The following ABLIM2 variants were observed in gnomAD, a reference collection of about 807,000 sequenced individuals.
ABLIM2 encodes the protein actin binding LIM protein family member 2.
In ABLIM2, 53 loss-of-function variants were observed where a neutral mutation model predicts 97.7. The observed-to-expected ratio is 0.54, with a 90% CI of 0.44 to 0.68. The LOEUF is 0.68. ABLIM2 is among the 30% of genes least tolerant of loss of function. ABLIM2 has a pLI of 0.00. For synonymous variants in ABLIM2, 361 were observed against 345.8 expected (o/e 1.04, Z -0.49); for missense variants, 835 against 867.2 (o/e 0.96, Z 0.47).
rs557685197 is a variant in ABLIM2, at chr4:8,113,337, C to T, written c.11-6700G>A. Among the ~76,000 whole-genome samples, 1 of 152,316 alleles carries T rather than the reference C, an allele frequency of 6.6e-6. No homozygotes were observed. Among genetic ancestry groups the T allele is most frequent in the East Asian group, 1.9e-4 (1 of 5,182 alleles). On this transcript the variant is annotated intron_variant, in intron 1 of 20. Transcript: ENST00000447017. This position sits in a 1 kb window ranked among gnomAD's most constrained non-coding sequence, Gnocchi z 4.5. ...CTCACACTCCTGGGCTCAAGTGATCCTCCCATGTCAGCCTCCCAAAGTGCT... is the reference window on the plus strand; with the variant it reads ...CTCACACTCCTGGGCTCAAGTGATCTTCCCATGTCAGCCTCCCAAAGTGCT...
chr4:8,153,110 T>TTA (rs974293667), intron 1 of ABLIM2, among the ~76,000 whole-genome samples: 8 of 152,288 alleles, frequency 5.3e-5, no homozygotes, highest in African/African-American at 1.9e-4. Flanking sequence ...CAGTGCCCGC[T>TTA]TAAAGGGCCA....
intron 6 of ABLIM2, among the ~76,000 whole-genome samples, chr4:8,063,338 T>G (rs1188636084): frequency 6.6e-6 from 1 of 152,244 alleles, no homozygotes; most frequent in Non-Finnish European, 1.5e-5. Flanking sequence ...GTGCTGAGAT[T>G]ATAGGCGTGA....
intron 1 of ABLIM2, among the ~76,000 whole-genome samples, chr4:8,152,613 G>A (rs1713384155): frequency 6.6e-6 from 1 of 152,250 alleles, no homozygotes; most frequent in African/African-American, 2.4e-5. Flanking sequence ...TCTGTGCTGG[G>A]TGCGAGCCTC....
intron 1 of ABLIM2, among the ~76,000 whole-genome samples, chr4:8,134,555 G>C (rs1351097818): frequency 6.6e-6 from 1 of 152,290 alleles, no homozygotes; most frequent in East Asian, 1.9e-4. Context: ...TCTGCCTCCT[G>C]AATCAATAAA....
chr4:7,976,594 AGGTCCTTT>A (rs1349617604), intron 20 of ABLIM2, among the ~76,000 whole-genome samples: 2 of 152,156 alleles, frequency 1.3e-5, no homozygotes, highest in Non-Finnish European at 2.9e-5. Flanking sequence ...CTCCTGTCCC[AGGTCCTTT>A]GCACGGGTAC....
intron 9 of ABLIM2, among the ~76,000 whole-genome samples, chr4:8,041,976 G>GCAACAACAGCAA (rs1481496514): frequency 1.3e-5 from 2 of 151,586 alleles, no homozygotes; most frequent in Admixed American, 6.6e-5. Context: ...AACAACAACA[G>GCAACAACAGCAA]CAGCAACAAC....
In ABLIM2 at chr4:8,036,263, C is replaced by T; in HGVS notation, c.933G>A (p.Arg311=). ...TACTTTTAGGAAGGGCTGCCAAGTC[C>T]CTGTAGTCCAGGATCTCACCACCAA... ...AKLGGEILDY[R]DLAALPKSKA... The change falls in exon 10 of 21, where the codon AGG becomes AGA. Residue 311 remains arginine (R), a synonymous_variant. Coordinates refer to ENST00000447017, the MANE Select transcript of ABLIM2 (RefSeq NM_001130083.2). 1.2e-6 allele frequency: 2 copies of T among 1,613,848 alleles called. No homozygotes were observed. Among genetic ancestry groups the T allele is most frequent in the East Asian group, 2.2e-5 (1 of 44,872 alleles).
In ABLIM2 at chr4:8,019,574, G is replaced by A; in HGVS notation, c.1423+44C>T. On this transcript the variant is annotated intron_variant, in intron 14 of 20. Transcript: ENST00000447017. This position sits in a 1 kb window ranked among gnomAD's most constrained non-coding sequence, Gnocchi z 4.3. ...ATTCAGAAGCAGATGGGTATTGACA[G>A]GCATGCGGGGCAAACCACAGCAGCG... 4 of 1,569,122 alleles carry A rather than the reference G, an allele frequency of 2.5e-6. No homozygotes were observed. Among genetic ancestry groups the A allele is most frequent in the South Asian group, 1.1e-5 (1 of 87,170 alleles).
intron 2 of ABLIM2, among the ~76,000 whole-genome samples, chr4:8,103,948 T>C (rs537847671): frequency 2.6e-5 from 4 of 152,258 alleles, no homozygotes; most frequent in African/African-American, 4.8e-5. Flanking sequence ...GGATTTTGCT[T>C]TCCAGAAATG....
intron 20 of ABLIM2, among the ~76,000 whole-genome samples, chr4:7,980,197 A>G (rs1417887718): frequency 1.3e-5 from 2 of 152,162 alleles, no homozygotes; most frequent in African/African-American, 4.8e-5. Context: ...AGTTCAGGCC[A>G]TGAAGGGAAG....
Position 8,054,273 on chromosome 4 carries a change from T to A in ABLIM2, c.764-27A>T. On this transcript the variant is annotated intron_variant, in intron 7 of 20. Transcript: ENST00000447017. The surrounding 1 kb of genome is among the most constrained non-coding windows in gnomAD (Gnocchi z 4.9). ...TGTTGACAAATTCCCAAGAGGGAAA[T>A]GATTAGAGTTATTTCCCATGTTGCA... is the stretch of plus-strand genomic sequence containing the variant. The A allele has an allele frequency of 1.9e-6, 3 of 1,612,960 alleles. No homozygotes were observed. In the South Asian group the frequency reaches 3.3e-5, roughly 18 times the overall value.
rs1279951479 is a variant in ABLIM2, at chr4:8,032,221, A to G, written c.1048-2445T>C. On this transcript the variant is annotated intron_variant, in intron 10 of 20. Transcript: ENST00000447017. This position sits in a 1 kb window ranked among gnomAD's most constrained non-coding sequence, Gnocchi z 4.3. ...AACAGAAAAAAAAAAAAAAAACTAG[A>G]CCACTAACAGTAAAAGCTCTTTTGT... Among the ~76,000 whole-genome samples, 1 of 150,332 alleles carries G rather than the reference A, an allele frequency of 6.7e-6. No individual in the cohort carries two copies. The highest frequency in any genetic ancestry group is 1.5e-5 in the Non-Finnish European group (1 of 67,750).
At chr4:8,047,680 C>A (rs1279027859) in intron 8 of ABLIM2, among the ~76,000 whole-genome samples, 1 of 152,240 alleles carries the variant, frequency 6.6e-6, no homozygotes, top group African/African-American at 2.4e-5. Context: ...ATGATGGCTG[C>A]ATACATTTTA....
At chr4:8,102,081 A>C (rs1364804248) in intron 2 of ABLIM2, among the ~76,000 whole-genome samples, 1 of 152,162 alleles carries the variant, frequency 6.6e-6, no homozygotes, top group Non-Finnish European at 1.5e-5. Context: ...ACAAGGATGG[A>C]GCAGGACCCT....
chr4:8,030,927 G>A (rs1327855039), intron 10 of ABLIM2, among the ~76,000 whole-genome samples: 1 of 152,154 alleles, frequency 6.6e-6, no homozygotes, highest in Non-Finnish European at 1.5e-5. Context: ...CAGCAGAACA[G>A]CACCACCAAG....
chr4:8,037,542 T>TCACACACAACCGGCACACC (rs1331983419), intron 9 of ABLIM2, among the ~76,000 whole-genome samples: 1 of 150,986 alleles, frequency 6.6e-6, no homozygotes, highest in Non-Finnish European at 1.5e-5. Context: ...CATGGCTCAC[T>TCACACACAACCGGCACACC]CACACACAAC....
rs930957539 is a variant in ABLIM2 at position 8,154,056 on chromosome 4, A to G, written c.10+4624T>C. On this transcript the variant is annotated intron_variant, in intron 1 of 20. Coordinates refer to ENST00000447017, the MANE Select transcript of ABLIM2 (RefSeq NM_001130083.2). ...CGGCTCACTGCAAGCTCTGCCTCCC[A>G]GGTTCACGCCATTCTCCTGCCTCAG... 7.2e-5 allele frequency among the ~76,000 whole-genome samples: 10 copies of G among 139,094 alleles called. No individual in the cohort carries two copies. In the East Asian group the frequency reaches 1.1e-3, roughly 15 times the overall value. 91.3% of individuals were successfully genotyped at this position (139,094 alleles called of 152,430 possible).
intron 1 of ABLIM2, 28 bp downstream of exon 1, chr4:8,158,652 C>G: frequency 6.6e-7 from 1 of 1,503,838 alleles, no homozygotes; most frequent in Middle Eastern, 1.8e-4. Context: ...CGCGGGGACC[C>G]GTTGGTCCCT....
rs931802726 is a variant in ABLIM2, at chr4:7,986,751, C to G, written c.1681-1858G>C. Among the ~76,000 whole-genome samples, 1 of 152,138 alleles carries G rather than the reference C, an allele frequency of 6.6e-6. No homozygotes were observed. The highest frequency in any genetic ancestry group is 6.5e-5 in the Admixed American group (1 of 15,284). ...GCAATGGCGTGATCTCGGCTCAATGCAAACTCCACCTCCCGGGTTCAAGTG... is the reference window on the plus strand; with the variant it reads ...GCAATGGCGTGATCTCGGCTCAATGGAAACTCCACCTCCCGGGTTCAAGTG... On this transcript the variant is annotated intron_variant, in intron 17 of 20. Transcript: ENST00000447017. This position sits in a 1 kb window ranked among gnomAD's most constrained non-coding sequence, Gnocchi z 4.3.
Sources: allele counts gnomAD v4.1 joint callset (sites outside exome capture counted in the v4.1 genomes callset), GRCh38; gene constraint gnomAD v4.1.1; non-coding constraint Gnocchi (gnomAD v3.1); transcripts MANE v1.5; gene names NCBI Gene and HGNC (gene_info 2026-07-23, HGNC 2026-07-21).